The following TUSC3 variants were observed in gnomAD, a reference collection of about 807,000 sequenced individuals.
TUSC3 encodes the protein tumor suppressor candidate 3.
In TUSC3, 45 loss-of-function variants were observed where a neutral mutation model predicts 44.8. The observed-to-expected ratio is 1.00, with a 90% CI of 0.79 to 1.29. TUSC3 has a LOEUF of 1.29. Ranked by LOEUF, TUSC3 falls within the 50% of genes most tolerant of loss-of-function variation. The pLI, the probability that TUSC3 is intolerant of heterozygous loss-of-function variation, is 0.00. For synonymous variants in TUSC3, 212 were observed against 152.9 expected, an observed-to-expected ratio of 1.39 and a Z score of -2.85; for missense variants, 519 against 437.9, an observed-to-expected ratio of 1.19 and a Z score of -1.65.
At chr8:15,800,842 T>C in the TUSC3 span, among the ~76,000 whole-genome samples, 1 of 152,194 alleles carries the variant, frequency 6.6e-6, no homozygotes, top group Non-Finnish European at 1.5e-5. Flanking sequence ...TTGTCTTCTA[T>C]TGGTCTCCCT....
intron 1 of TUSC3, among the ~76,000 whole-genome samples, chr8:15,567,538 A>T (rs183687967): frequency 2.0e-5 from 3 of 152,166 alleles, no homozygotes; most frequent in South Asian, 4.1e-4. Context: ...CAGGTCTTCA[A>T]TTGTCAATGG....
At chr8:15,450,930 C>T (rs1800190522) in intron 1 of TUSC3, among the ~76,000 whole-genome samples, 1 of 152,138 alleles carries the variant, frequency 6.6e-6, no homozygotes, top group Admixed American at 6.5e-5. Flanking sequence ...CTGGTCTGAG[C>T]AGCTTGCCTA....
chr8:15,543,753 G>T lies in TUSC3; in HGVS notation c.138+3185G>T, dbSNP rs765599974. On this transcript the variant is annotated intron_variant, in intron 1 of 10. Coordinates refer to ENST00000503731, the MANE Select transcript of TUSC3 (RefSeq NM_006765.4). ...TTTTTTGAATTGGTTTTTTTTTTTT[G>T]CTAAAGAAACTAACTTTATAATAAT... Among the ~76,000 whole-genome samples the T allele has an allele frequency of 1.1e-3, 152 of 134,892 alleles. No individual in the cohort carries two copies. The Middle Eastern group carries it at 0.018, about 16-fold the overall frequency. 88.5% of individuals were successfully genotyped at this position (134,892 alleles called of 152,430 possible).
At chr8:15,621,519 AAT>A (rs367620935) in intron 1 of TUSC3, among the ~76,000 whole-genome samples, 35,122 of 146,152 alleles carry the variant, frequency 0.24, 4,606 homozygotes, top group Non-Finnish European at 0.3. Context: ...ATATATGTAA[AAT>A]ATATATATAT....
downstream of TUSC3, among the ~76,000 whole-genome samples, chr8:15,770,326 C>A (rs189923625): frequency 4.6e-5 from 7 of 152,220 alleles, 1 homozygote; most frequent in Middle Eastern, 3.4e-3. Flanking sequence ...CCAAACACCG[C>A]GTGTTCTCAC....
downstream of TUSC3, among the ~76,000 whole-genome samples, chr8:15,768,956 C>A (rs1230815623): frequency 6.6e-6 from 1 of 152,156 alleles, no homozygotes; most frequent in Non-Finnish European, 1.5e-5. Context: ...ACATTCCATG[C>A]TCATGGATAG....
At chr8:15,739,398 T>C (rs1811091068) in intron 7 of TUSC3, among the ~76,000 whole-genome samples, 1 of 152,148 alleles carries the variant, frequency 6.6e-6, no homozygotes, top group Non-Finnish European at 1.5e-5. Flanking sequence ...TTGCTGAGGT[T>C]TTTGACATGC....
At chr8:15,720,951 A>G (rs1673369248) in intron 6 of TUSC3, among the ~76,000 whole-genome samples, 1 of 152,122 alleles carries the variant, frequency 6.6e-6, no homozygotes, top group Non-Finnish European at 1.5e-5. Context: ...TGCTGACAGA[A>G]TTATGAAAGC....
chr8:15,567,119 T>C (rs552500972), intron 1 of TUSC3, among the ~76,000 whole-genome samples: 2 of 152,180 alleles, frequency 1.3e-5, no homozygotes, highest in Non-Finnish European at 2.9e-5. Context: ...CACAGTACTT[T>C]CGGCAGTTAA....
intron 1 of TUSC3, among the ~76,000 whole-genome samples, chr8:15,575,178 A>G (rs946216113): frequency 2.6e-5 from 4 of 152,100 alleles, no homozygotes; most frequent in Admixed American, 1.3e-4. Context: ...TTGCATATAA[A>G]CCTATACTAC....
At chr8:15,821,984 G>A in the TUSC3 span, among the ~76,000 whole-genome samples, 3 of 152,128 alleles carry the variant, frequency 2.0e-5, no homozygotes, top group Non-Finnish European at 4.4e-5. Context: ...AAAAGATGAT[G>A]ATGATTTGAT....
intron 1 of TUSC3, among the ~76,000 whole-genome samples, chr8:15,474,864 C>G (rs184700630): frequency 6.6e-6 from 1 of 152,154 alleles, no homozygotes; most frequent in African/African-American, 2.4e-5. Flanking sequence ...CAACCCTGAC[C>G]GTCTGTACTA....
chr8:15,521,619 C>A (rs1293838955), intron 2 of TUSC3, among the ~76,000 whole-genome samples: 1 of 151,834 alleles, frequency 6.6e-6, no homozygotes, highest in Non-Finnish European at 1.5e-5. Flanking sequence ...ATTACCCCCC[C>A]CAAAAAAAGG....
the TUSC3 span, among the ~76,000 whole-genome samples, chr8:15,840,686 T>C: frequency 6.6e-6 from 1 of 152,164 alleles, no homozygotes. Context: ...AGTCTCAGAA[T>C]AAATAGAAAA....
chr8:15,788,874 T>A, the TUSC3 span, among the ~76,000 whole-genome samples: 1 of 152,144 alleles, frequency 6.6e-6, no homozygotes, highest in South Asian at 2.1e-4. Flanking sequence ...AAGAAGTTAT[T>A]GCTGGTGTTT....
intron 2 of TUSC3, among the ~76,000 whole-genome samples, chr8:15,511,776 A>G (rs147513505): frequency 6.6e-6 from 1 of 152,150 alleles, no homozygotes; most frequent in East Asian, 1.9e-4. Flanking sequence ...AGGCTGAGGA[A>G]GGAAGAACTG....
chr8:15,454,368 G>A (rs962040), intron 1 of TUSC3, among the ~76,000 whole-genome samples: 86,079 of 152,050 alleles, frequency 0.57, 28,820 homozygotes, highest in Non-Finnish European at 0.73. Flanking sequence ...CTTTGAGGAG[G>A]CAAGCATCGA....
intron 6 of TUSC3, among the ~76,000 whole-genome samples, chr8:15,717,326 T>C (rs1035097861): frequency 3.3e-5 from 5 of 152,082 alleles, no homozygotes; most frequent in African/African-American, 1.2e-4. Context: ...GGAAAAGAGA[T>C]GGAACAGCCT....
chr8:15,748,813 G>A (rs1811536916), intron 9 of TUSC3: 1 of 490,174 alleles, frequency 2.0e-6, no homozygotes, highest in Admixed American at 2.2e-5. Context: ...ATAATTCACT[G>A]TTCATTGTCT....
Sources: allele counts gnomAD v4.1 joint callset (sites outside exome capture counted in the v4.1 genomes callset), GRCh38; gene constraint gnomAD v4.1.1; transcripts MANE v1.5; gene names NCBI Gene and HGNC (gene_info 2026-07-23, HGNC 2026-07-21).